The following CCDC93 variants were observed in gnomAD, a reference collection of about 807,000 sequenced individuals.
CCDC93 encodes CCC complex scaffolding subunit CCDC93.
A neutral mutation model predicts 108.2 loss-of-function variants in CCDC93; 61 were observed. That is an observed-to-expected ratio of 0.56 (90% CI 0.46 to 0.70). CCDC93 has a LOEUF of 0.70. Ranked by LOEUF, CCDC93 falls within the 30% of genes least tolerant of loss-of-function variation. CCDC93 has a pLI of 0.00. For synonymous variants in CCDC93, 276 were observed against 260.4 expected, an observed-to-expected ratio of 1.06 and a Z score of -0.58; for missense variants, 685 against 764.2, an observed-to-expected ratio of 0.90 and a Z score of 1.22.
At chr2:117,960,571 T>C (rs1288583317) in intron 11 of CCDC93, among the ~76,000 whole-genome samples, 1 of 152,238 alleles carries the variant, frequency 6.6e-6, no homozygotes, top group Non-Finnish European at 1.5e-5. Flanking sequence ...TATTAGTGTA[T>C]GTGGCACACA....
chr2:117,988,614 T>C lies in CCDC93; in HGVS notation c.520-2545A>G, dbSNP rs190605014. Among the ~76,000 whole-genome samples the C allele has an allele frequency of 3.1e-3, 477 of 152,274 alleles. 5 individuals are homozygous for C. Among genetic ancestry groups the C allele is most frequent in the African/African-American group, 0.011 (456 of 41,544 alleles). On this transcript the variant is annotated intron_variant, in intron 6 of 23. Transcript: ENST00000376300. ...TATGTGTCCCGTCAGTAATTCTGCC[T>C]TTCACCTAAAGGGACCCCATAGATG...
At chr2:117,933,827 C>CT (rs1244374899) in intron 22 of CCDC93, among the ~76,000 whole-genome samples, 2 of 152,140 alleles carry the variant, frequency 1.3e-5, no homozygotes, top group East Asian at 3.9e-4. Context: ...GAGAACTGCT[C>CT]TTTGACTCTG....
chr2:118,004,625 A>C (rs1167316018), intron 3 of CCDC93, among the ~76,000 whole-genome samples: 1 of 152,196 alleles, frequency 6.6e-6, no homozygotes, highest in Non-Finnish European at 1.5e-5. Flanking sequence ...TCCAAAACCA[A>C]ACAGAAAAGA....
chr2:117,951,084 T>C (rs201140548), intron 13 of CCDC93: 3 of 418,276 alleles, frequency 7.2e-6, no homozygotes, highest in Non-Finnish European at 5.2e-6. Flanking sequence ...ATAAGTCACT[T>C]AGTTTATATC....
chr2:118,007,319 A>C (rs1676902209), intron 2 of CCDC93, among the ~76,000 whole-genome samples: 1 of 152,248 alleles, frequency 6.6e-6, no homozygotes, highest in African/African-American at 2.4e-5. Flanking sequence ...AAATGAGAGT[A>C]AGACTAAAAA....
chr2:117,920,209 G>T lies in CCDC93; in HGVS notation c.*134C>A. On this transcript the variant is annotated 3_prime_UTR_variant, in exon 24 of 24. Coordinates refer to ENST00000376300, the MANE Select transcript of CCDC93 (RefSeq NM_019044.5). ...GATGAATGGAAGCAAAGAGGAGAAAGAAAACATCCAGGTTGTTGAAATCAT... is the reference window on the plus strand; with the variant it reads ...GATGAATGGAAGCAAAGAGGAGAAATAAAACATCCAGGTTGTTGAAATCAT... 1.8e-6 allele frequency: 1 copy of T among 570,682 alleles called. No individual in the cohort carries two copies. The highest frequency in any genetic ancestry group is 2.6e-5 in the South Asian group (1 of 38,686). 35.4% of individuals were successfully genotyped at this position (570,682 alleles called of 1,614,324 possible).
intron 2 of CCDC93, 151 bp downstream of exon 2, chr2:118,008,394 T>C: frequency 1.7e-6 from 1 of 578,398 alleles, no homozygotes; most frequent in Non-Finnish European, 3.1e-6. Flanking sequence ...AAAAGAAGTT[T>C]GAACACTTCC....
intron 20 of CCDC93, among the ~76,000 whole-genome samples, chr2:117,938,441 G>A (rs532725944): frequency 2.6e-5 from 4 of 151,844 alleles, no homozygotes; most frequent in Admixed American, 6.6e-5. Flanking sequence ...GCTAGATGAC[G>A]AGTTAGTGGG....
chr2:117,936,642 G>C lies in CCDC93; in HGVS notation c.1643+60C>G, dbSNP rs906269929. The C allele has an allele frequency of 1.8e-5, 24 of 1,317,018 alleles. No homozygotes were observed. The Admixed American group carries it at 3.9e-4, about 21-fold the overall frequency. 81.6% of individuals were successfully genotyped at this position (1,317,018 alleles called of 1,614,324 possible). ...AGCACATTATAGCAATGTGAGGTGGGCTGAATTCAAAGCGCAGGCCGGCAG... is the reference window on the plus strand; with the variant it reads ...AGCACATTATAGCAATGTGAGGTGGCCTGAATTCAAAGCGCAGGCCGGCAG... On this transcript the variant is annotated intron_variant, in intron 21 of 23. Transcript: ENST00000376300.
chr2:117,949,778 C>T, intron 13 of CCDC93: 3 of 985,336 alleles, frequency 3.0e-6, no homozygotes, highest in Non-Finnish European at 3.6e-6. Flanking sequence ...CTTGCAGCCA[C>T]CCCTTCTTGC....
intron 15 of CCDC93, among the ~76,000 whole-genome samples, chr2:117,947,693 C>CTT (rs763811529): frequency 0.07 from 8,479 of 121,896 alleles, 593 homozygotes; most frequent in Admixed American, 0.095. Context: ...GATGAATCTG[C>CTT]TTTTTTTTTT....
chr2:117,946,466 A>G (rs897787181), intron 16 of CCDC93, among the ~76,000 whole-genome samples: 1 of 152,096 alleles, frequency 6.6e-6, no homozygotes, highest in Non-Finnish European at 1.5e-5. Context: ...AGGAAAGGAG[A>G]AAGGTGAAAT....
intron 12 of CCDC93, among the ~76,000 whole-genome samples, chr2:117,955,342 C>G (rs1157585893): frequency 6.6e-6 from 1 of 152,038 alleles, no homozygotes; most frequent in Non-Finnish European, 1.5e-5. Context: ...ATGCCTTCTG[C>G]CTGTATGACC....
intron 13 of CCDC93, chr2:117,949,985 C>G (rs1679002231): frequency 1.0e-6 from 1 of 985,450 alleles, no homozygotes; most frequent in East Asian, 1.1e-4. Flanking sequence ...AAACCTGACT[C>G]TCTTAAACAC....
At chr2:117,978,405 G>A (rs1006034785) in intron 7 of CCDC93, among the ~76,000 whole-genome samples, 29 of 151,966 alleles carry the variant, frequency 1.9e-4, no homozygotes, top group African/African-American at 6.8e-4. Context: ...AGCCAAATAT[G>A]CGCTTTAATG....
chr2:117,931,441 C>T, intron 22 of CCDC93: 1 of 305,926 alleles, frequency 3.3e-6, no homozygotes, highest in Non-Finnish European at 6.2e-6. Context: ...ATTTTGCCCC[C>T]CATCCCCCAC....
intron 3 of CCDC93, among the ~76,000 whole-genome samples, chr2:118,006,252 C>T (rs1022998488): frequency 2.6e-5 from 4 of 152,158 alleles, no homozygotes; most frequent in Admixed American, 2.0e-4. Flanking sequence ...TCCAAGGCCA[C>T]ACAGAGACCC....
At chr2:117,927,568 C>T (rs1678163411) in intron 23 of CCDC93, among the ~76,000 whole-genome samples, 3 of 152,096 alleles carry the variant, frequency 2.0e-5, no homozygotes, top group African/African-American at 7.2e-5. Context: ...ACATGAAGGA[C>T]CTCTTCAAGA....
In CCDC93 at chr2:117,943,768, G is replaced by A. The variant is rs1678779222; in HGVS notation, c.1413+256C>T. On this transcript the variant is annotated intron_variant, in intron 18 of 23. Coordinates refer to ENST00000376300, the MANE Select transcript of CCDC93 (RefSeq NM_019044.5). ...AATTTCTTCATAAAGAAAATGGGAT[G>A]TAATATCCACTCTCCACCTGGGGTT... Among the ~76,000 whole-genome samples the A allele has an allele frequency of 5.3e-5, 8 of 152,334 alleles. No homozygotes were observed. In the South Asian group the frequency reaches 1.7e-3, roughly 32 times the overall value.
Sources: gnomAD v4.1 joint callset for allele counts (sites outside exome capture counted in the v4.1 genomes callset) on GRCh38, gnomAD v4.1.1 for gene constraint, MANE v1.5 for transcripts, NCBI Gene and HGNC (gene_info 2026-07-23, HGNC 2026-07-21) for gene names.